The following RASA3 variants were observed in gnomAD, a reference collection of about 807,000 sequenced individuals.
RASA3 encodes RAS p21 protein activator 3, also known as ras GTPase-activating protein 3.
RASA3 carries 73 observed loss-of-function variants against 110.0 expected under a neutral mutation model. The observed-to-expected ratio is 0.66, with a 90% CI of 0.55 to 0.81. The LOEUF (loss-of-function observed/expected upper bound fraction) is 0.81, where lower values mean the gene tolerates loss of function less well. Among genes scored for constraint, RASA3 ranks in the 30% least tolerant of loss-of-function variants. RASA3 has a pLI of 0.00. For missense variants in RASA3, 976 were observed against 1,113.2 expected, an observed-to-expected ratio of 0.88 and a Z score of 1.75; for synonymous variants, 500 against 451.4, an observed-to-expected ratio of 1.11 and a Z score of -1.37.
rs539226673 is a variant in RASA3 at position 114,112,055 on chromosome 13, G to A, written c.55+20380C>T. On this transcript the variant is annotated intron_variant, in intron 1 of 23. Transcript: ENST00000334062. The surrounding 1 kb of genome is among the most constrained non-coding windows in gnomAD (Gnocchi z 4.8). The stretch of plus-strand genomic sequence containing the variant: ...TTCGCCCCTTTGTGTGGTCCCGTAA[G>A]TGACACTGTCCCTCCCTCTCCCTGG... Among the ~76,000 whole-genome samples, 1 of 152,046 alleles carries A rather than the reference G, an allele frequency of 6.6e-6. No homozygotes were observed. Among genetic ancestry groups the A allele is most frequent in the Non-Finnish European group, 1.5e-5 (1 of 68,006 alleles).
chr13:114,063,478 C>T (rs957286086), intron 2 of RASA3, among the ~76,000 whole-genome samples: 4 of 151,576 alleles, frequency 2.6e-5, no homozygotes, highest in Admixed American at 1.3e-4. Flanking sequence ...ATAGAAGATA[C>T]GAATGGAAAT....
At chr13:114,066,267 G>A (rs1402889330) in intron 2 of RASA3, among the ~76,000 whole-genome samples, 2 of 152,230 alleles carry the variant, frequency 1.3e-5, no homozygotes, top group African/African-American at 2.4e-5. Flanking sequence ...ACTCTCAGGA[G>A]GAGGCACAAC....
intron 21 of RASA3, among the ~76,000 whole-genome samples, chr13:113,995,164 C>T (rs183773273): frequency 1.1e-3 from 168 of 152,354 alleles, no homozygotes; most frequent in African/African-American, 3.9e-3. Flanking sequence ...GGAAGGAAGC[C>T]TCCTGGGACT....
At chr13:114,060,545 A>C (rs972992789) in intron 2 of RASA3, among the ~76,000 whole-genome samples, 1 of 152,202 alleles carries the variant, frequency 6.6e-6, no homozygotes, top group South Asian at 2.1e-4. Context: ...ACAGGAATTC[A>C]GTTCTGGCAG....
At chr13:114,025,298 G>A (rs959531081) in intron 7 of RASA3, among the ~76,000 whole-genome samples, 5 of 152,196 alleles carry the variant, frequency 3.3e-5, no homozygotes, top group East Asian at 1.9e-4. Flanking sequence ...TCTCTGCTTC[G>A]GGTTGAGGGC....
In RASA3 at chr13:114,100,281, C is replaced by T. The variant is rs953566946; in HGVS notation, c.56-26444G>A. ...AGCACCAGCGGCTGCCCCTCGGCCC[C>T]GACCCTCCCCACTGCGTCCTGGGGC... On this transcript the variant is annotated intron_variant, in intron 1 of 23. Transcript: ENST00000334062. Among the ~76,000 whole-genome samples, 2 of 152,068 alleles carry T rather than the reference C, an allele frequency of 1.3e-5. 1 individual carries two copies. The highest frequency in any genetic ancestry group is 2.9e-5 in the Non-Finnish European group (2 of 68,016).
At chr13:114,055,397 G>A (rs1053414271) in intron 2 of RASA3, among the ~76,000 whole-genome samples, 4 of 152,214 alleles carry the variant, frequency 2.6e-5, no homozygotes, top group African/African-American at 7.2e-5. Flanking sequence ...GGGGCAGGAC[G>A]CACACTCCCC....
chr13:114,018,857 A>G lies in RASA3; in HGVS notation c.848T>C (p.Leu283Pro). 6.2e-7 allele frequency: 1 copy of G among 1,613,942 alleles called. No individual in the cohort carries two copies. Among genetic ancestry groups the G allele is most frequent in the Non-Finnish European group, 8.5e-7 (1 of 1,180,004 alleles). ...TTCCGTGTATACCACGTTCAGCCGC[A>G]GGGAGCCCAGGTCGTCTGGCTTTAG... ...KSLKPDDLGS[L>P]RLNVVYTEDH... Residue 283 changes from leucine to proline, a missense_variant, in exon 10 of 24, where the codon CTG (leucine) becomes CCG (proline). Physicochemically the swap from Leu to Pro is moderately conservative, Grantham distance 98. This residue lies in a region of RASA3 where 732 missense variants were observed against 779.7 expected (regional missense o/e 0.94). Transcript: ENST00000334062.
At position 114,057,857 on chromosome 13, in the gene RASA3, C is replaced by T. The variant is rs529632112; in HGVS notation, c.174-5702G>A. On this transcript the variant is annotated intron_variant, in intron 2 of 23. Coordinates refer to ENST00000334062, the MANE Select transcript of RASA3 (RefSeq NM_007368.4). This position sits in a 1 kb window ranked among gnomAD's most constrained non-coding sequence, Gnocchi z 5.0. ...CCAGAACAATGGCTTCCCTGGGGTG[C>T]GGGCTCGGCCTGCAGGATGGAGGCT... Among the ~76,000 whole-genome samples the T allele has an allele frequency of 5.9e-5, 9 of 152,194 alleles. No homozygotes were observed. Among genetic ancestry groups the T allele is most frequent in the Non-Finnish European group, 1.3e-4 (9 of 68,032 alleles).
Position 114,106,488 on chromosome 13 carries a change from A to G in RASA3, c.55+25947T>C, listed in dbSNP as rs544365580. Among the ~76,000 whole-genome samples the G allele has an allele frequency of 9.8e-5, 15 of 152,370 alleles. 1 individual carries two copies. In the South Asian group the frequency reaches 3.1e-3, roughly 32 times the overall value. Reference sequence around the variant, plus strand: ...CGTTTATATTGACAGTCAACTCATTACGTGTAACAATAATGGCAATTTTTC... The same window carrying G: ...CGTTTATATTGACAGTCAACTCATTGCGTGTAACAATAATGGCAATTTTTC... On this transcript the variant is annotated intron_variant, in intron 1 of 23. Transcript: ENST00000334062.
At position 114,092,355 on chromosome 13, in the gene RASA3, T is replaced by A. The variant is rs373373398; in HGVS notation, c.56-18518A>T. On this transcript the variant is annotated intron_variant, in intron 1 of 23. Transcript: ENST00000334062. ...TTGCTGTATCCCATAGGTTTTGGTATGTTATGTTTCCATTTTCATTTGTTT... is the reference window on the plus strand; with the variant it reads ...TTGCTGTATCCCATAGGTTTTGGTAAGTTATGTTTCCATTTTCATTTGTTT... Among the ~76,000 whole-genome samples the A allele has an allele frequency of 1.7e-3, 262 of 152,310 alleles. 6 individuals are homozygous for A. The South Asian group carries it at 0.046, about 27-fold the overall frequency.
At chr13:114,004,862 G>A (rs1253909252) in intron 18 of RASA3, among the ~76,000 whole-genome samples, 2 of 152,190 alleles carry the variant, frequency 1.3e-5, no homozygotes, top group African/African-American at 2.4e-5. Flanking sequence ...GCAAAGACAC[G>A]GAATCCACGT....
intron 18 of RASA3, among the ~76,000 whole-genome samples, chr13:114,001,368 ACCCGCG>A (rs1235162273): frequency 6.8e-6 from 1 of 146,310 alleles, no homozygotes; most frequent in Non-Finnish European, 1.5e-5. Context: ...AACATGGAGG[ACCCGCG>A]GCCGCGGGCT....
At chr13:114,125,698 C>T (rs187386612) in intron 1 of RASA3, among the ~76,000 whole-genome samples, 120 of 152,302 alleles carry the variant, frequency 7.9e-4, no homozygotes, top group African/African-American at 2.8e-3. Context: ...GCAGTAGACA[C>T]GTCTGTTCAT....
At chr13:114,013,576 G>GTCTC (rs539041789) in intron 14 of RASA3, among the ~76,000 whole-genome samples, 3 of 63,598 alleles carry the variant, frequency 4.7e-5, no homozygotes, top group East Asian at 4.2e-4. Flanking sequence ...CCCTATCTCT[G>GTCTC]TCTCTCTCTC....
chr13:114,094,054 TCG>T (rs1401935661), intron 1 of RASA3, among the ~76,000 whole-genome samples: 1 of 152,206 alleles, frequency 6.6e-6, no homozygotes, highest in Non-Finnish European at 1.5e-5. Flanking sequence ...GGCCCGTCTC[TCG>T]CACCTTATTT....
intron 22 of RASA3, 36 bp downstream of exon 22, chr13:113,992,449 C>T (rs770015255): frequency 6.4e-7 from 1 of 1,556,006 alleles, no homozygotes; most frequent in South Asian, 1.1e-5. Context: ...CCAGCCATCC[C>T]CTCGCTGCAC....
At chr13:114,094,522 C>T (rs540601657) in intron 1 of RASA3, among the ~76,000 whole-genome samples, 4 of 152,172 alleles carry the variant, frequency 2.6e-5, no homozygotes, top group Non-Finnish European at 4.4e-5. Context: ...GATGGCTGCA[C>T]AGCATTGTAA....
chr13:114,124,960 G>T (rs2080426094), intron 1 of RASA3, among the ~76,000 whole-genome samples: 1 of 152,150 alleles, frequency 6.6e-6, no homozygotes, highest in South Asian at 2.1e-4. Flanking sequence ...TTGTATTCCT[G>T]TCTCTCTTCC....
Sources: allele counts gnomAD v4.1 joint callset (sites outside exome capture counted in the v4.1 genomes callset), GRCh38; gene constraint gnomAD v4.1.1; regional missense constraint gnomAD v4.1.1; non-coding constraint Gnocchi (gnomAD v3.1); transcripts MANE v1.5; gene names NCBI Gene and HGNC (gene_info 2026-07-23, HGNC 2026-07-21).